The following ADSS1 variants were observed in gnomAD, a reference collection of about 807,000 sequenced individuals.
ADSS1 encodes adenylosuccinate synthase 1, also known as adenylosuccinate synthetase isozyme 1.
In ADSS1, 57 loss-of-function variants were observed where a neutral mutation model predicts 59.1. The observed-to-expected ratio is 0.97, with a 90% confidence interval of 0.78 to 1.20. The LOEUF (loss-of-function observed/expected upper bound fraction) is 1.20. ADSS1 is among the 50% of genes most tolerant of loss of function. The probability of loss-of-function intolerance (pLI) is 0.00; values close to 1 mark genes in which losing one functional copy is unlikely to be tolerated. For missense variants in ADSS1, 603 were observed against 610.3 expected, an observed-to-expected ratio of 0.99 and a Z score of 0.13; for synonymous variants, 247 against 249.4, an observed-to-expected ratio of 0.99 and a Z score of 0.09.
At chr14:104,729,019 G>A (rs1890803320) in intron 1 of ADSS1, among the ~76,000 whole-genome samples, 2 of 152,196 alleles carry the variant, frequency 1.3e-5, no homozygotes, top group South Asian at 4.1e-4. Flanking sequence ...GCTGTGGGGA[G>A]GAGAAGGCTC....
At chr14:104,734,901 C>G (rs189245129) in intron 1 of ADSS1, 119 bp from the exon 2 acceptor site, 1 of 796,916 alleles carries the variant, frequency 1.3e-6, no homozygotes, top group Non-Finnish European at 2.1e-6. Context: ...CCAAACCAGA[C>G]ACCCCAAAAT....
chr14:104,729,105 G>A (rs968888139), intron 1 of ADSS1, among the ~76,000 whole-genome samples: 2 of 152,182 alleles, frequency 1.3e-5, no homozygotes, highest in Non-Finnish European at 2.9e-5. Context: ...CATTGCAGGG[G>A]AGAAAGGGGC....
intron 3 of ADSS1, among the ~76,000 whole-genome samples, chr14:104,739,079 G>A (rs549177931): frequency 3.7e-4 from 57 of 152,192 alleles, no homozygotes; most frequent in Non-Finnish European, 6.6e-4. Context: ...TGGAGTGGGC[G>A]AAGCCTGCAG....
At chr14:104,732,173 A>AT (rs1890955823) in intron 1 of ADSS1, among the ~76,000 whole-genome samples, 1 of 152,154 alleles carries the variant, frequency 6.6e-6, no homozygotes, top group South Asian at 2.1e-4. Flanking sequence ...GGTGGCTCCC[A>AT]TGGCAAGGCA....
chr14:104,727,574 C>T (rs1271474601), intron 1 of ADSS1, among the ~76,000 whole-genome samples: 4 of 152,142 alleles, frequency 2.6e-5, no homozygotes, highest in Admixed American at 1.3e-4. Flanking sequence ...TCTCTGGGCA[C>T]GGACACCCCA....
intron 8 of ADSS1, among the ~76,000 whole-genome samples, chr14:104,741,562 C>T (rs1282040755): frequency 1.3e-5 from 2 of 152,166 alleles, no homozygotes; most frequent in Non-Finnish European, 2.9e-5. Context: ...CTCACCCCCA[C>T]GGGCGCACCA....
intron 1 of ADSS1, among the ~76,000 whole-genome samples, chr14:104,733,601 G>C (rs1199380271): frequency 2.0e-5 from 3 of 152,208 alleles, no homozygotes; most frequent in Admixed American, 6.5e-5. Flanking sequence ...TTGTGAGGGT[G>C]GGAGGGGAGC....
rs761597174 is a variant in ADSS1, at chr14:104,746,387, T to C, written c.1321+2T>C. 7 of 1,609,272 alleles carry C rather than the reference T, an allele frequency of 4.3e-6. No homozygotes were observed. The African/African-American group carries it at 6.7e-5, about 15-fold the overall frequency. On this transcript the variant is annotated splice_donor_variant, in intron 12 of 12. Coordinates refer to ENST00000330877, the MANE Select transcript of ADSS1 (RefSeq NM_152328.5). LOFTEE classifies it high-confidence loss of function. The stretch of plus-strand genomic sequence containing the variant: ...TGGAGAATCACGTGGGAGTCGCAGG[T>C]GGGTGCCCTGCATCCCCAGCCACCC...
chr14:104,728,959 G>A (rs1032786558), intron 1 of ADSS1, among the ~76,000 whole-genome samples: 4 of 152,250 alleles, frequency 2.6e-5, no homozygotes, highest in African/African-American at 9.6e-5. Context: ...GAAGCGGGCA[G>A]AGTGCAGTGG....
chr14:104,734,951 TG>T, intron 1 of ADSS1, 68 bp from the exon 2 acceptor site: 3 of 1,384,836 alleles, frequency 2.2e-6, no homozygotes, highest in South Asian at 2.4e-5. Flanking sequence ...AAGCCCCATG[TG>T]GGTCAGTCCA....
At chr14:104,732,721 G>A (rs922980276) in intron 1 of ADSS1, among the ~76,000 whole-genome samples, 3 of 152,202 alleles carry the variant, frequency 2.0e-5, no homozygotes, top group African/African-American at 4.8e-5. Context: ...CTGCCCCCCC[G>A]CCCAGGCGGG....
intron 11 of ADSS1, chr14:104,745,993 G>C: frequency 2.4e-6 from 1 of 416,236 alleles, no homozygotes; most frequent in Non-Finnish European, 4.3e-6. Flanking sequence ...AGAGTGGGTA[G>C]CACATATGTG....
rs895204778 is a variant in ADSS1 at position 104,743,048 on chromosome 14, C to T, written c.949-19C>T. 6.2e-7 allele frequency: 1 copy of T among 1,612,436 alleles called. No homozygotes were observed. Among genetic ancestry groups the T allele is most frequent in the Non-Finnish European group, 8.5e-7 (1 of 1,179,830 alleles). On this transcript the variant is annotated intron_variant, in intron 9 of 12. Transcript: ENST00000330877. Reference sequence around the variant, plus strand: ...GCTCCCACGACAGCTCACATGACGTCCTCCCTGTTCTCATGTAGGAGATTG... The same window carrying T: ...GCTCCCACGACAGCTCACATGACGTTCTCCCTGTTCTCATGTAGGAGATTG...
chr14:104,738,321 G>A lies in ADSS1; in HGVS notation c.296-55G>A, dbSNP rs140055770. 2.8e-3 allele frequency: 4,417 copies of A among 1,591,184 alleles called. 50 individuals are homozygous for A. Among genetic ancestry groups the A allele is most frequent in the South Asian group, 0.025 (2,291 of 90,534 alleles). On this transcript the variant is annotated intron_variant, in intron 2 of 12. Coordinates refer to ENST00000330877, the MANE Select transcript of ADSS1 (RefSeq NM_152328.5). ...CCATTTCATGCTGTTCTTAATGTAT[G>A]TTTTCCAGTGTCTGGGACACAACTC...
intron 1 of ADSS1, among the ~76,000 whole-genome samples, chr14:104,732,437 G>A (rs1298194008): frequency 6.6e-6 from 1 of 152,194 alleles, no homozygotes; most frequent in Non-Finnish European, 1.5e-5. Flanking sequence ...ATCGTCCTGG[G>A]CTCCCCAGAA....
Position 104,735,260 on chromosome 14 carries a change from G to A in ADSS1, c.295+138G>A, listed in dbSNP as rs889666220. The A allele has an allele frequency of 6.8e-5, 50 of 737,094 alleles. 2 individuals are homozygous for A. Among genetic ancestry groups the A allele is most frequent in the Middle Eastern group, 3.6e-4 (1 of 2,786 alleles). 45.7% of individuals were successfully genotyped at this position (737,094 alleles called of 1,614,324 possible). ...GTAGGCTGGACCCCAGCCTCCACCT[G>A]CCCCACCAGGCACTGGTGCACAGAA... On this transcript the variant is annotated intron_variant, in intron 2 of 12. Transcript: ENST00000330877.
In ADSS1 at chr14:104,729,907, C is replaced by T. The variant is rs569806066; in HGVS notation, c.193-5113C>T. The T allele has an allele frequency of 1.3e-6, 2 of 1,532,576 alleles. 1 individual carries two copies. The highest frequency in any genetic ancestry group is 2.4e-5 in the South Asian group (2 of 83,116). 94.9% of individuals were successfully genotyped at this position (1,532,576 alleles called of 1,614,324 possible). On this transcript the variant is annotated intron_variant, in intron 1 of 12. Coordinates refer to ENST00000330877, the MANE Select transcript of ADSS1 (RefSeq NM_152328.5). Reference sequence around the variant, plus strand: ...GTGGCGTCGGCATGGTGGGGAGGAGCTGTGGGGTGGCAACCCAGAGGCAAG... The same window carrying T: ...GTGGCGTCGGCATGGTGGGGAGGAGTTGTGGGGTGGCAACCCAGAGGCAAG...
rs773527871 is a variant in ADSS1, at chr14:104,743,103, T to C, written c.985T>C (p.Trp329Arg). 6.2e-7 allele frequency: 1 copy of C among 1,612,878 alleles called. No homozygotes were observed. The highest frequency in any genetic ancestry group is 1.7e-5 in the Admixed American group (1 of 60,012). The change falls in exon 10 of 13, where the codon TGG becomes CGG. Residue 329 changes from tryptophan (W) to arginine (R), a missense_variant. Trp to Arg is a moderately radical substitution (Grantham distance 101). Transcript: ENST00000330877. ...CCTGCTGCAGACCCGCGGCCACGAG[T>C]GGGGAGTGACCACAGGCAGGAAGAG... ...GGLLQTRGHE[W>R]GVTTGRKRRC... is the part of the protein sequence containing the mutation.
chr14:104,737,479 T>C (rs1189855395), intron 2 of ADSS1: 1 of 152,232 alleles, frequency 6.6e-6, no homozygotes, highest in African/African-American at 2.4e-5. Context: ...ATTTCTCCTT[T>C]TGTTTACTGA....
Sources: gnomAD v4.1 joint callset for allele counts (sites outside exome capture counted in the v4.1 genomes callset) on GRCh38, gnomAD v4.1.1 for gene constraint, MANE v1.5 for transcripts, NCBI Gene and HGNC (gene_info 2026-07-23, HGNC 2026-07-21) for gene names.